Variants in PCDHA8 observed in about 807,000 individuals in gnomAD.
PCDHA8 encodes the protein protocadherin alpha-8.
PCDHA8 carries 53 observed loss-of-function variants against 61.8 expected under a neutral mutation model. The ratio of observed to expected loss-of-function variants is 0.86; its 90% CI spans 0.69 to 1.08. The LOEUF (loss-of-function observed/expected upper bound fraction) is 1.08. Among genes scored for constraint, PCDHA8 ranks in the 50% least tolerant of loss-of-function variants. The pLI is 0.00. For synonymous variants in PCDHA8, 618 were observed against 556.6 expected (o/e 1.11, Z -1.55); for missense variants, 1,293 against 1,245.0 (o/e 1.04, Z -0.58).
intron 1 of PCDHA8, chr5:140,854,328 A>C (rs1562493993): frequency 4.6e-6 from 1 of 216,912 alleles, no homozygotes; most frequent in Non-Finnish European, 7.8e-6. Context: ...TGGCAAACTT[A>C]TTTTACGCTC....
chr5:141,000,639 G>T (rs1375900945), intron 3 of PCDHA8, among the ~76,000 whole-genome samples: 1 of 151,186 alleles, frequency 6.6e-6, no homozygotes, highest in Non-Finnish European at 1.5e-5. Context: ...TGTTGGGCAG[G>T]CTGGTCTCGA....
chr5:140,927,137 A>G, intron 1 of PCDHA8: 2 of 1,614,052 alleles, frequency 1.2e-6, no homozygotes, highest in South Asian at 2.2e-5. Context: ...GAGCCGGCGG[A>G]CCGCGAACAG....
intron 3 of PCDHA8, among the ~76,000 whole-genome samples, chr5:140,992,706 G>T (rs1554253120): frequency 1.3e-5 from 2 of 152,138 alleles, no homozygotes; most frequent in Admixed American, 1.3e-4. Context: ...TAATGTTCCT[G>T]CCAGTATTCG....
chr5:140,901,333 T>C (rs1370254894), intron 1 of PCDHA8, among the ~76,000 whole-genome samples: 1 of 152,200 alleles, frequency 6.6e-6, no homozygotes, highest in East Asian at 1.9e-4. Flanking sequence ...TTGTAGTCGT[T>C]TTATAGTTTG....
At chr5:140,993,470 A>T (rs1348899420) in intron 3 of PCDHA8, among the ~76,000 whole-genome samples, 10 of 115,268 alleles carry the variant, frequency 8.7e-5, no homozygotes, top group East Asian at 7.9e-4. Flanking sequence ...TCTCACACAC[A>T]CACACACACA....
At chr5:140,887,048 A>G (rs997240150) in intron 1 of PCDHA8, among the ~76,000 whole-genome samples, 21 of 152,068 alleles carry the variant, frequency 1.4e-4, no homozygotes, top group Admixed American at 1.4e-3. Context: ...TTTATAGTGC[A>G]TATGTTCTGG....
intron 1 of PCDHA8, among the ~76,000 whole-genome samples, chr5:140,941,202 C>CTTTCTTTCTTTCTTTCTTTCTTTCTTT (rs1554213921): frequency 8.1e-6 from 1 of 122,708 alleles, no homozygotes; most frequent in Admixed American, 8.6e-5. Context: ...TTTCTTTCTT[C>CTTTCTTTCTTTCTTTCTTTCTTTCTTT]CTTTCTTTCT....
chr5:140,932,474 A>G (rs1444534569), intron 1 of PCDHA8, among the ~76,000 whole-genome samples: 1 of 151,904 alleles, frequency 6.6e-6, no homozygotes, highest in African/African-American at 2.4e-5. Context: ...AGGAAATAGG[A>G]TATCTCCTCT....
chr5:140,849,948 CAGG>C (rs1562462413), intron 1 of PCDHA8: 1 of 1,597,844 alleles, frequency 6.3e-7, no homozygotes, highest in Admixed American at 1.7e-5. Flanking sequence ...CGCTGACGCG[CAGG>C]AGAACGCCCT....
rs1459343581 is a variant in PCDHA8 at position 141,012,230 on chromosome 5, A to G, written c.*2293A>G. 1.3e-5 allele frequency: 2 copies of G among 153,766 alleles called. No individual in the cohort carries two copies. The highest frequency in any genetic ancestry group is 6.5e-5 in the Admixed American group (1 of 15,278). 9.5% of individuals were successfully genotyped at this position (153,766 alleles called of 1,614,324 possible). On this transcript the variant is annotated 3_prime_UTR_variant, in exon 4 of 4. Transcript: ENST00000531613. ...ACATTTGCGAAGTGCTTTCCAATCC[A>G]TGTTAGTTACTAGTTATTACAGCTG...
At chr5:140,898,235 T>G (rs1386232934) in intron 1 of PCDHA8, among the ~76,000 whole-genome samples, 1 of 152,220 alleles carries the variant, frequency 6.6e-6, no homozygotes, top group Non-Finnish European at 1.5e-5. Flanking sequence ...TGCCATTGCT[T>G]TTGGTGTTTT....
intron 1 of PCDHA8, among the ~76,000 whole-genome samples, chr5:140,922,496 G>A (rs1554200851): frequency 6.6e-6 from 1 of 152,222 alleles, no homozygotes; most frequent in African/African-American, 2.4e-5. Flanking sequence ...ATCTGAGAGT[G>A]AGCAGATGCA....
intron 1 of PCDHA8, chr5:140,967,765 C>A: frequency 6.2e-7 from 1 of 1,614,234 alleles, no homozygotes; most frequent in Non-Finnish European, 8.5e-7. Context: ...CCTACCAGAT[C>A]TATGTGCAGG....
At chr5:140,896,871 TTTATGGG>T (rs1349052738) in intron 1 of PCDHA8, among the ~76,000 whole-genome samples, 1 of 152,200 alleles carries the variant, frequency 6.6e-6, no homozygotes, top group Non-Finnish European at 1.5e-5. Flanking sequence ...AGTGTACATA[TTTATGGG>T]GTATATGAGA....
intron 1 of PCDHA8, among the ~76,000 whole-genome samples, chr5:140,917,286 C>T (rs155803): frequency 0.32 from 46,630 of 146,510 alleles, 7,654 homozygotes; most frequent in East Asian, 0.52. Context: ...GACGCTTTTC[C>T]GTGTGCAGAT....
At chr5:140,845,739 T>A (rs1410365251) in intron 1 of PCDHA8, among the ~76,000 whole-genome samples, 1 of 149,672 alleles carries the variant, frequency 6.7e-6, no homozygotes, top group African/African-American at 2.4e-5. Context: ...TTCTACTTTA[T>A]AGATTTATTT....
chr5:140,944,472 G>C (rs1554216383), intron 1 of PCDHA8, among the ~76,000 whole-genome samples: 2 of 152,220 alleles, frequency 1.3e-5, no homozygotes, highest in Non-Finnish European at 2.9e-5. Context: ...CAGGTATGAG[G>C]CACTGGACTG....
chr5:140,872,231 T>A (rs1050025307), intron 1 of PCDHA8, among the ~76,000 whole-genome samples: 2 of 152,228 alleles, frequency 1.3e-5, no homozygotes, highest in Non-Finnish European at 2.9e-5. Context: ...TCTTTACTTT[T>A]GTCTTTATTC....
chr5:140,966,909 T>C, intron 1 of PCDHA8: 1 of 1,601,466 alleles, frequency 6.2e-7, no homozygotes, highest in Non-Finnish European at 8.5e-7. Context: ...CGATACTCTG[T>C]GCCAGAGGAG....
Sources: gnomAD v4.1 joint callset for allele counts (sites outside exome capture counted in the v4.1 genomes callset) on GRCh38, gnomAD v4.1.1 for gene constraint, MANE v1.5 for transcripts, NCBI Gene and HGNC (gene_info 2026-07-23, HGNC 2026-07-21) for gene names.